SUSD5: variants seen among roughly 807,000 people sequenced by gnomAD.
SUSD5 encodes sushi domain containing 5.
Under a neutral mutation model 29.5 loss-of-function variants are expected in SUSD5, and 33 were observed. The observed-to-expected ratio is 1.12, with a 90% CI of 0.85 to 1.49. SUSD5 has a LOEUF of 1.49. Among genes scored for constraint, SUSD5 ranks in the 40% most tolerant of loss-of-function variants. The probability of loss-of-function intolerance (pLI) is 0.00; values close to 1 mark genes in which losing one functional copy is unlikely to be tolerated. For synonymous variants in SUSD5, 308 were observed against 325.3 expected (o/e 0.95, Z 0.57); for missense variants, 776 against 800.6 (o/e 0.97, Z 0.37).
intron 3 of SUSD5, among the ~76,000 whole-genome samples, chr3:33,188,759 G>C (rs959971275): frequency 6.6e-6 from 1 of 152,164 alleles, no homozygotes; most frequent in South Asian, 2.1e-4. Flanking sequence ...AGGACTCCAG[G>C]GAACTTTCTG....
At position 33,203,290 on chromosome 3, in the gene SUSD5, TA is replaced by T. The variant is rs141334947; in HGVS notation, c.409+4517del. Reference sequence around the variant, plus strand: ...GGACAGGGATAGAACTCTCTCTGAGTAACTGTGGGAATCCATCCTGCTTTTC... The same window carrying T: ...GGACAGGGATAGAACTCTCTCTGAGTACTGTGGGAATCCATCCTGCTTTTC... On this transcript the variant is annotated intron_variant, in intron 3 of 4. Coordinates refer to ENST00000309558, the MANE Select transcript of SUSD5 (RefSeq NM_015551.2). 5.6e-3 allele frequency among the ~76,000 whole-genome samples: 855 copies of T among 152,078 alleles called. 5 individuals carry two copies. The highest frequency in any genetic ancestry group is 0.019 in the African/African-American group (796 of 41,456).
At chr3:33,218,577 GCGCTTGC>G in intron 1 of SUSD5, 102 bp downstream of exon 1, 1 of 1,013,626 alleles carries the variant, frequency 9.9e-7, no homozygotes, top group Non-Finnish European at 1.3e-6. Flanking sequence ...TCTCAGGCTT[GCGCTTGC>G]CGCTTGCCGG....
In SUSD5 at chr3:33,207,802, A is replaced by G. The variant is rs2032249094; in HGVS notation, c.409+6T>C. ...CCAGCACCTTTAAGAAGACTCTGGC[A>G]CTGACCTTCATCCTTAATACAAAGG... On this transcript the variant is annotated splice_donor_region_variant and intron_variant, in intron 3 of 4. Transcript: ENST00000309558. 6.2e-7 allele frequency: 1 copy of G among 1,600,604 alleles called. No individual in the cohort carries two copies. The highest frequency in any genetic ancestry group is 1.7e-5 in the Admixed American group (1 of 59,484).
rs150304810 is a variant in SUSD5, at chr3:33,156,497, C to T, written c.599-2464G>A. Among the ~76,000 whole-genome samples, 472 of 152,290 alleles carry T rather than the reference C, an allele frequency of 3.1e-3. 2 individuals are homozygous for T. Among genetic ancestry groups the T allele is most frequent in the African/African-American group, 0.011 (450 of 41,556 alleles). On this transcript the variant is annotated intron_variant, in intron 4 of 4. Coordinates refer to ENST00000309558, the MANE Select transcript of SUSD5 (RefSeq NM_015551.2). ...GACAGCCCGATGAGAGGGGAATCAACTGGTCAGGAAAGCTCAAGAAGCTGG... is the reference window on the plus strand; with the variant it reads ...GACAGCCCGATGAGAGGGGAATCAATTGGTCAGGAAAGCTCAAGAAGCTGG...
chr3:33,172,580 G>C (rs993380593), intron 4 of SUSD5, among the ~76,000 whole-genome samples: 1 of 152,226 alleles, frequency 6.6e-6, no homozygotes, highest in Admixed American at 6.5e-5. Flanking sequence ...GCAGGTGAAT[G>C]ATCAGAATTG....
chr3:33,187,947 A>G (rs2031814796), intron 3 of SUSD5, among the ~76,000 whole-genome samples: 1 of 152,088 alleles, frequency 6.6e-6, no homozygotes, highest in Admixed American at 6.5e-5. Context: ...TATTCTGTAG[A>G]TAGAAATTGT....
intron 3 of SUSD5, among the ~76,000 whole-genome samples, chr3:33,207,323 T>A (rs1306407649): frequency 1.3e-5 from 2 of 152,172 alleles, no homozygotes; most frequent in Non-Finnish European, 2.9e-5. Context: ...ACCTTTACCA[T>A]TCCCATGCAC....
intron 4 of SUSD5, among the ~76,000 whole-genome samples, chr3:33,160,445 C>A (rs895563082): frequency 6.6e-6 from 1 of 151,752 alleles, no homozygotes; most frequent in Non-Finnish European, 1.5e-5. Context: ...GTCCTAGCTA[C>A]TCGGCAGGCT....
At position 33,152,981 on chromosome 3, in the gene SUSD5, C is replaced by A. The variant is rs781043835; in HGVS notation, c.1651G>T (p.Ala551Ser). Residue 551 changes from alanine (A) to serine (S), a missense_variant, in exon 5 of 5, where the codon GCA becomes TCA. Transcript: ENST00000309558. Reference protein sequence around the residue: ...FFGQEGPGPGASEELHPTLES... With the variant: ...FFGQEGPGPGSSEELHPTLES... ...AAGGTGGGATGAAGCTCCTCACTTGCACCTGGCCCGGGGCCTTCCTGTCCA... is the reference window on the plus strand; with the variant it reads ...AAGGTGGGATGAAGCTCCTCACTTGAACCTGGCCCGGGGCCTTCCTGTCCA... 1 of 1,613,858 alleles carries A rather than the reference C, an allele frequency of 6.2e-7. No homozygotes were observed. The highest frequency in any genetic ancestry group is 8.5e-7 in the Non-Finnish European group (1 of 1,179,878).
Position 33,150,811 on chromosome 3 carries a change from C to T in SUSD5, c.*1931G>A, listed in dbSNP as rs752421468. On this transcript the variant is annotated 3_prime_UTR_variant, in exon 5 of 5. Coordinates refer to ENST00000309558, the MANE Select transcript of SUSD5 (RefSeq NM_015551.2). Reference sequence around the variant, plus strand: ...TTTTCCTTAGGTAAAACACCACCAACAATTTTTCAATCATAAAAAAGATCA... The same window carrying T: ...TTTTCCTTAGGTAAAACACCACCAATAATTTTTCAATCATAAAAAAGATCA... 6.6e-6 allele frequency: 1 copy of T among 152,122 alleles called. No individual in the cohort carries two copies. Among genetic ancestry groups the T allele is most frequent in the South Asian group, 2.1e-4 (1 of 4,826 alleles). The allele number at this position is 152,122 out of a possible 1,614,324, so 9.4% of individuals were successfully genotyped here.
At position 33,152,987 on chromosome 3, in the gene SUSD5, G is replaced by T; in HGVS notation, c.1645C>A (p.Pro549Thr). The change falls in exon 5 of 5, where the codon CCA becomes ACA. Residue 549 changes from proline (P) to threonine (T), a missense_variant. Pro to Thr is a conservative substitution (Grantham distance 38). Transcript: ENST00000309558. ...GGATGAAGCTCCTCACTTGCACCTG[G>T]CCCGGGGCCTTCCTGTCCAAAGAAG... ...EDFFGQEGPGPGASEELHPTL... is the reference protein window; with the variant it reads ...EDFFGQEGPGTGASEELHPTL... 1.2e-6 allele frequency: 2 copies of T among 1,613,882 alleles called. No homozygotes were observed. The highest frequency in any genetic ancestry group is 1.7e-6 in the Non-Finnish European group (2 of 1,179,848).
At chr3:33,208,282 C>T (rs1383027692) in intron 2 of SUSD5, among the ~76,000 whole-genome samples, 4 of 151,910 alleles carry the variant, frequency 2.6e-5, no homozygotes, top group African/African-American at 9.7e-5. Flanking sequence ...CAACTTTTTT[C>T]CTTTTCTAAC....
At chr3:33,180,117 G>A (rs752981434) in intron 3 of SUSD5, among the ~76,000 whole-genome samples, 7 of 152,150 alleles carry the variant, frequency 4.6e-5, no homozygotes, top group Middle Eastern at 3.2e-3. Flanking sequence ...ATTTTAGAGT[G>A]TACTACTACT....
intron 3 of SUSD5, among the ~76,000 whole-genome samples, chr3:33,199,359 C>T (rs974752938): frequency 1.6e-4 from 25 of 152,260 alleles, no homozygotes; most frequent in African/African-American, 5.8e-4. Flanking sequence ...CTGCAGGCTC[C>T]GCCTCCCGGG....
chr3:33,186,521 G>A (rs376143282), intron 3 of SUSD5, among the ~76,000 whole-genome samples: 12 of 150,642 alleles, frequency 8.0e-5, no homozygotes, highest in African/African-American at 2.7e-4. Flanking sequence ...CCGCCTCCCC[G>A]GTTCAAGCGA....
In SUSD5 at chr3:33,152,738, G is replaced by A. The variant is rs2030929659; in HGVS notation, c.*4C>T. On this transcript the variant is annotated 3_prime_UTR_variant, in exon 5 of 5. Coordinates refer to ENST00000309558, the MANE Select transcript of SUSD5 (RefSeq NM_015551.2). ...GGCTTTGGGAGAACCCACTCCAAAG[G>A]TGCCTAGACCTTCTCCATCTCGATC... 6.3e-7 allele frequency: 1 copy of A among 1,597,124 alleles called. No homozygotes were observed. Among genetic ancestry groups the A allele is most frequent in the Non-Finnish European group, 8.5e-7 (1 of 1,171,482 alleles).
chr3:33,194,218 C>A (rs182516648), intron 3 of SUSD5, among the ~76,000 whole-genome samples: 298 of 152,306 alleles, frequency 2.0e-3, no homozygotes, highest in Admixed American at 4.6e-3. Context: ...ACTTCTCATT[C>A]TCTTGCCCCC....
intron 4 of SUSD5, among the ~76,000 whole-genome samples, chr3:33,163,820 G>A (rs574644695): frequency 6.6e-6 from 1 of 152,270 alleles, no homozygotes; most frequent in African/African-American, 2.4e-5. Flanking sequence ...ACACAGTGAA[G>A]CCCCATCTGT....
chr3:33,156,482 T>C (rs907205944), intron 4 of SUSD5, among the ~76,000 whole-genome samples: 2 of 152,212 alleles, frequency 1.3e-5, no homozygotes, highest in African/African-American at 4.8e-5. Flanking sequence ...GACAGCCCGA[T>C]GAGAGGGGAA....
Sources: gnomAD v4.1 joint callset for allele counts (sites outside exome capture counted in the v4.1 genomes callset) on GRCh38, gnomAD v4.1.1 for gene constraint, MANE v1.5 for transcripts, NCBI Gene and HGNC (gene_info 2026-07-23, HGNC 2026-07-21) for gene names.